ARHGEF11: variants seen among roughly 807,000 people sequenced by gnomAD.
The protein encoded by ARHGEF11 is Rho guanine exchange factor (GEF) 11.
ARHGEF11 carries 55 observed loss-of-function variants against 193.7 expected under a neutral mutation model. That is an observed-to-expected ratio of 0.28 (90% CI 0.23 to 0.36). The LOEUF (loss-of-function observed/expected upper bound fraction) is 0.36. ARHGEF11 is among the 10% of genes least tolerant of loss of function. The pLI is 1.00. For synonymous variants in ARHGEF11, 693 were observed against 768.0 expected (o/e 0.90, Z 1.62); for missense variants, 1,723 against 2,005.6 (o/e 0.86, Z 2.69).
intron 1 of ARHGEF11, among the ~76,000 whole-genome samples, chr1:157,021,520 ACC>A (rs1396837300): frequency 6.6e-6 from 1 of 152,068 alleles, no homozygotes; most frequent in East Asian, 1.9e-4. Flanking sequence ...TAACAAGACC[ACC>A]CTCTGGAAGT....
chr1:156,995,593 T>C (rs1158550008), intron 1 of ARHGEF11, among the ~76,000 whole-genome samples: 1 of 151,648 alleles, frequency 6.6e-6, no homozygotes, highest in African/African-American at 2.4e-5. Flanking sequence ...TCTCACTCTG[T>C]TGCCCAGGCT....
intron 2 of ARHGEF11, among the ~76,000 whole-genome samples, chr1:156,984,670 T>C (rs1664675727): frequency 1.3e-5 from 2 of 152,174 alleles, no homozygotes; most frequent in Admixed American, 6.5e-5. Flanking sequence ...TACCCTTCTC[T>C]GAGGTGCTAA....
rs753814377 is a variant in ARHGEF11, at chr1:156,944,348, T to C, written c.3067+10A>G. On this transcript the variant is annotated intron_variant, in intron 31 of 40. Coordinates refer to ENST00000368194, the MANE Select transcript of ARHGEF11 (RefSeq NM_198236.3). ...AGGTTCCTGCTCAGTCCCAGTCCCC[T>C]GGCACATACCCAAGGTCTTATCCTT... is the stretch of plus-strand genomic sequence containing the variant. 2 of 1,614,048 alleles carry C rather than the reference T, an allele frequency of 1.2e-6. No homozygotes were observed. Among genetic ancestry groups the C allele is most frequent in the Non-Finnish European group, 8.5e-7 (1 of 1,179,948 alleles).
intron 3 of ARHGEF11, among the ~76,000 whole-genome samples, chr1:156,982,793 G>A (rs1197555546): frequency 6.6e-6 from 1 of 152,154 alleles, no homozygotes; most frequent in Non-Finnish European, 1.5e-5. Context: ...TCTCACCCTA[G>A]TCCAGGAACC....
chr1:156,972,859 CT>C (rs1662690845), intron 7 of ARHGEF11, among the ~76,000 whole-genome samples: 1 of 152,174 alleles, frequency 6.6e-6, no homozygotes, highest in African/African-American at 2.4e-5. Context: ...TTGGGCTCTT[CT>C]TGGGCACTGT....
Position 156,947,345 on chromosome 1 carries a change from G to C in ARHGEF11, c.2447C>G (p.Ala816Gly), listed in dbSNP as rs765651948. 2 of 1,613,788 alleles carry C rather than the reference G, an allele frequency of 1.2e-6. No homozygotes were observed. The highest frequency in any genetic ancestry group is 1.7e-6 in the Non-Finnish European group (2 of 1,179,884). Residue 816 changes from alanine to glycine, a missense_variant, in exon 26 of 41, where the codon GCC (alanine) becomes GGC (glycine). By Grantham distance (60) the Ala-to-Gly change is moderately conservative (BLOSUM62 0). Coordinates refer to ENST00000368194, the MANE Select transcript of ARHGEF11 (RefSeq NM_198236.3). ...KENLMPREEL[A>G]RLFPNLPELI... is the part of the protein sequence containing the mutation. Reference sequence around the variant, plus strand: ...TTCAGGCAGGTTCGGGAAGAGCCGGGCCAGCTCCTCCCGGGGCATCAGGTT... The same window carrying C: ...TTCAGGCAGGTTCGGGAAGAGCCGGCCCAGCTCCTCCCGGGGCATCAGGTT...
At position 156,958,795 on chromosome 1, in the gene ARHGEF11, A is replaced by T. The variant is rs775776108; in HGVS notation, c.1449T>A (p.Pro483=). The stretch of plus-strand genomic sequence containing the variant: ...TCTCAGCCACTTGGCGCTCTCGGAG[A>T]GGGTCCCCATCCAGGTCCAGCAGGT... The part of the protein sequence containing the change: ...ENDLLDLDGD[P]LRERQVAEKQ... The change falls in exon 17 of 41, where the codon CCT becomes CCA. Residue 483 remains proline (P), a synonymous_variant. Transcript: ENST00000368194. 1.9e-5 allele frequency: 31 copies of T among 1,614,182 alleles called. No homozygotes were observed. Among genetic ancestry groups the T allele is most frequent in the Non-Finnish European group, 2.6e-5 (31 of 1,180,022 alleles).
rs34617659 is a variant in ARHGEF11, at chr1:157,023,765, C to CAA, written c.32+20532_32+20533dup. On this transcript the variant is annotated intron_variant, in intron 1 of 40. Coordinates refer to ENST00000368194, the MANE Select transcript of ARHGEF11 (RefSeq NM_198236.3). ...TGGGCAACAGAGCGAGACTCCATCTCAAAAAAAAAAAAAAAAGATAATAAC... is the reference window on the plus strand; with the variant it reads ...TGGGCAACAGAGCGAGACTCCATCTCAAAAAAAAAAAAAAAAAAGATAATAAC... 4.2e-3 allele frequency among the ~76,000 whole-genome samples: 523 copies of CAA among 124,460 alleles called. 2 individuals carry two copies. The highest frequency in any genetic ancestry group is 7.8e-3 in the Middle Eastern group (2 of 256). 81.7% of individuals were successfully genotyped at this position (124,460 alleles called of 152,430 possible).
chr1:156,936,032 T>G lies in ARHGEF11; in HGVS notation c.4657A>C (p.Thr1553Pro). 1 of 1,613,960 alleles carries G rather than the reference T, an allele frequency of 6.2e-7. No homozygotes were observed. The highest frequency in any genetic ancestry group is 2.2e-5 in the East Asian group (1 of 44,872). Residue 1553 changes from threonine to proline, a missense_variant, in exon 41 of 41, where the codon ACA becomes CCA. Thr to Pro is a conservative substitution (Grantham distance 38). This residue lies in a region of ARHGEF11 where 360 missense variants were observed against 344.4 expected (regional missense o/e 1.05). Coordinates refer to ENST00000368194, the MANE Select transcript of ARHGEF11 (RefSeq NM_198236.3). Reference sequence around the variant, plus strand: ...CCTGGTGACGCGGCTGCGTCTGCTGTGCTGTCTTCCAGGGGGGCGTCAGAG... The same window carrying G: ...CCTGGTGACGCGGCTGCGTCTGCTGGGCTGTCTTCCAGGGGGGCGTCAGAG... ...DGSDAPLEDS[T>P]ADAAASPGP
chr1:156,939,954 C>T (rs1472953608), intron 36 of ARHGEF11, 44 bp from the exon 37 acceptor site: 1 of 1,587,560 alleles, frequency 6.3e-7, no homozygotes, highest in Non-Finnish European at 8.5e-7. Context: ...TGGGACTGCA[C>T]ACCACGCCAG....
In ARHGEF11 at chr1:156,948,581, C is replaced by T; in HGVS notation, c.1926-83G>A. Reference sequence around the variant, plus strand: ...TCCTGGCTAACTCTTACCTGTGGCTCCATCTCAAAGATGCCTCCGTGCCAC... The same window carrying T: ...TCCTGGCTAACTCTTACCTGTGGCTTCATCTCAAAGATGCCTCCGTGCCAC... On this transcript the variant is annotated intron_variant, in intron 22 of 40. Transcript: ENST00000368194. This position sits in a 1 kb window ranked among gnomAD's most constrained non-coding sequence, Gnocchi z 4.2. 6.2e-7 allele frequency: 1 copy of T among 1,611,882 alleles called. No individual in the cohort carries two copies. The highest frequency in any genetic ancestry group is 8.5e-7 in the Non-Finnish European group (1 of 1,179,526).
chr1:157,025,714 G>C (rs1475303224), intron 1 of ARHGEF11, among the ~76,000 whole-genome samples: 1 of 152,146 alleles, frequency 6.6e-6, no homozygotes, highest in African/African-American at 2.4e-5. Flanking sequence ...TTCAAGGGAG[G>C]ATAGATCAAG....
intron 1 of ARHGEF11, among the ~76,000 whole-genome samples, chr1:157,008,230 G>A (rs1184482878): frequency 2.0e-5 from 3 of 152,092 alleles, no homozygotes; most frequent in African/African-American, 7.2e-5. Context: ...CTTTGTTATG[G>A]ACTGAATGTT....
chr1:157,008,693 T>C (rs1668197643), intron 1 of ARHGEF11, among the ~76,000 whole-genome samples: 1 of 152,190 alleles, frequency 6.6e-6, no homozygotes, highest in South Asian at 2.1e-4. Context: ...GTGAACTTTG[T>C]ATTACACAAG....
At chr1:156,946,401 A>G (rs1658125413) in intron 28 of ARHGEF11, among the ~76,000 whole-genome samples, 1 of 152,250 alleles carries the variant, frequency 6.6e-6, no homozygotes, top group African/African-American at 2.4e-5. Flanking sequence ...CTGCCATTCT[A>G]TAGACAAGGA....
intron 40 of ARHGEF11, among the ~76,000 whole-genome samples, chr1:156,936,526 A>AT (rs1655356160): frequency 7.6e-5 from 10 of 132,368 alleles, no homozygotes; most frequent in Non-Finnish European, 9.6e-5. Context: ...ATATATATAT[A>AT]AAATTAAAAA....
Position 156,986,186 on chromosome 1 carries a change from T to C in ARHGEF11, c.33-13A>G. The C allele has an allele frequency of 6.2e-7, 1 of 1,607,760 alleles. No homozygotes were observed. The highest frequency in any genetic ancestry group is 8.5e-7 in the Non-Finnish European group (1 of 1,175,122). On this transcript the variant is annotated splice_polypyrimidine_tract_variant and intron_variant, in intron 1 of 40. Transcript: ENST00000368194. ...CAGGCTACTTAACCTGGAGAAGGAG[T>C]AAGGAAAGCATGTCAATGAGCTCAG...
rs1205546017 is a variant in ARHGEF11 at position 157,021,840 on chromosome 1, G to T, written c.32+22459C>A. On this transcript the variant is annotated intron_variant, in intron 1 of 40. Transcript: ENST00000368194. Reference sequence around the variant, plus strand: ...ATTGAATCCAGCAATATGGATAAAGGATTCTTTACCATGACCAAGTGGGAT... The same window carrying T: ...ATTGAATCCAGCAATATGGATAAAGTATTCTTTACCATGACCAAGTGGGAT... Among the ~76,000 whole-genome samples the T allele has an allele frequency of 2.0e-5, 3 of 152,278 alleles. No individual in the cohort carries two copies. In the South Asian group the frequency reaches 6.2e-4, roughly 32 times the overall value.
intron 11 of ARHGEF11, among the ~76,000 whole-genome samples, chr1:156,964,677 T>C (rs1257523216): frequency 1.3e-5 from 2 of 152,126 alleles, no homozygotes; most frequent in African/African-American, 2.4e-5. Flanking sequence ...TCATTTATAA[T>C]TGAAAAAAGT....
Sources: allele counts gnomAD v4.1 joint callset (sites outside exome capture counted in the v4.1 genomes callset), GRCh38; gene constraint gnomAD v4.1.1; regional missense constraint gnomAD v4.1.1; non-coding constraint Gnocchi (gnomAD v3.1); transcripts MANE v1.5; gene names NCBI Gene and HGNC (gene_info 2026-07-23, HGNC 2026-07-21).